CARMIL1: variants seen among roughly 807,000 people sequenced by gnomAD.
CARMIL1 encodes the protein F-actin-uncapping protein LRRC16A.
CARMIL1 carries 90 observed loss-of-function variants against 177.1 expected under a neutral mutation model. The observed-to-expected ratio is 0.51, with a 90% CI of 0.43 to 0.61. The LOEUF is 0.61. Among genes scored for constraint, CARMIL1 ranks in the 20% least tolerant of loss-of-function variants. CARMIL1 has a pLI of 0.00. For missense variants in CARMIL1, 1,380 were observed against 1,667.0 expected, an observed-to-expected ratio of 0.83 and a Z score of 3.00; for synonymous variants, 577 against 606.2, an observed-to-expected ratio of 0.95 and a Z score of 0.71.
intron 2 of CARMIL1, among the ~76,000 whole-genome samples, chr6:25,359,726 G>T (rs78781410): frequency 0.013 from 2,028 of 152,304 alleles, 35 homozygotes; most frequent in African/African-American, 0.044. Context: ...GATGTGCACA[G>T]TGGGCGGAAC....
At chr6:25,585,485 G>A (rs1166410784) in intron 31 of CARMIL1, among the ~76,000 whole-genome samples, 1 of 152,124 alleles carries the variant, frequency 6.6e-6, no homozygotes, top group African/African-American at 2.4e-5. Context: ...CGATTTTTGT[G>A]CCAAAAATGT....
chr6:25,613,898 C>T (rs1816689634), intron 36 of CARMIL1, among the ~76,000 whole-genome samples: 1 of 152,214 alleles, frequency 6.6e-6, no homozygotes, highest in Non-Finnish European at 1.5e-5. Flanking sequence ...ACACCATGCC[C>T]TTCACTGCCT....
At chr6:25,407,544 A>G (rs1794486191) in intron 2 of CARMIL1, among the ~76,000 whole-genome samples, 1 of 152,068 alleles carries the variant, frequency 6.6e-6, no homozygotes, top group Admixed American at 6.5e-5. Context: ...AGTAGGAGGG[A>G]AAGTCATCTT....
intron 28 of CARMIL1, among the ~76,000 whole-genome samples, chr6:25,555,381 GTATT>G (rs1562281136): frequency 1.9e-5 from 2 of 106,222 alleles, no homozygotes. Context: ...AAGCAATAGA[GTATT>G]CATTCATTCA....
chr6:25,340,777 GTTTTTTTTT>G (rs34928775), intron 2 of CARMIL1, among the ~76,000 whole-genome samples: 16,033 of 86,566 alleles, frequency 0.19, 1,407 homozygotes, highest in Admixed American at 0.25. Flanking sequence ...GTCAATGAAG[GTTTTTTTTT>G]TTTTTTTTTT....
At chr6:25,568,746 G>T (rs1811791238) in intron 29 of CARMIL1, among the ~76,000 whole-genome samples, 1 of 152,244 alleles carries the variant, frequency 6.6e-6, no homozygotes, top group East Asian at 1.9e-4. Flanking sequence ...CCTTAGTAAT[G>T]CTTCTAGTTG....
chr6:25,549,515 A>G (rs1424593848), intron 26 of CARMIL1, among the ~76,000 whole-genome samples: 2 of 152,216 alleles, frequency 1.3e-5, no homozygotes, highest in African/African-American at 2.4e-5. Flanking sequence ...TGATTATTCA[A>G]CCAGAGTTAT....
intron 29 of CARMIL1, among the ~76,000 whole-genome samples, chr6:25,576,323 CTAAGGTA>C (rs1392219398): frequency 1.3e-5 from 2 of 151,058 alleles, no homozygotes; most frequent in Non-Finnish European, 2.9e-5. Flanking sequence ...TAAATTCCCA[CTAAGGTA>C]TAAGGTATCA....
At chr6:25,351,610 A>G (rs140187985) in intron 2 of CARMIL1, among the ~76,000 whole-genome samples, 1 of 152,308 alleles carries the variant, frequency 6.6e-6, no homozygotes, top group Non-Finnish European at 1.5e-5. Flanking sequence ...TTGCCTTTTC[A>G]CTTCCTTCAT....
At chr6:25,371,532 A>G (rs901874003) in intron 2 of CARMIL1, among the ~76,000 whole-genome samples, 5 of 152,098 alleles carry the variant, frequency 3.3e-5, no homozygotes, top group Admixed American at 1.3e-4. Flanking sequence ...ATTGTTTTGT[A>G]TATTTGTTGG....
At chr6:25,318,579 G>C (rs1784444972) in intron 2 of CARMIL1, among the ~76,000 whole-genome samples, 2 of 152,256 alleles carry the variant, frequency 1.3e-5, no homozygotes, top group African/African-American at 4.8e-5. Flanking sequence ...CCTTTTCTCT[G>C]CCTCGTACCT....
intron 2 of CARMIL1, among the ~76,000 whole-genome samples, chr6:25,310,051 A>G (rs1783659126): frequency 6.6e-6 from 1 of 152,080 alleles, no homozygotes; most frequent in Non-Finnish European, 1.5e-5. Context: ...TACAGGAGTG[A>G]GCCACCCCGC....
Position 25,600,751 on chromosome 6 carries a change from G to A in CARMIL1, c.3552+5G>A. On this transcript the variant is annotated splice_donor_5th_base_variant and intron_variant, in intron 33 of 36. Coordinates refer to ENST00000329474, the MANE Select transcript of CARMIL1 (RefSeq NM_017640.6). Reference sequence around the variant, plus strand: ...AGAGCTGCGTGTGCGCAGAAGGTAAGGGTGGACCTATTTTTAATTCATTCA... The same window carrying A: ...AGAGCTGCGTGTGCGCAGAAGGTAAAGGTGGACCTATTTTTAATTCATTCA... 6.7e-7 allele frequency: 1 copy of A among 1,486,126 alleles called. No individual in the cohort carries two copies. The highest frequency in any genetic ancestry group is 8.9e-7 in the Non-Finnish European group (1 of 1,119,104). The allele number at this position is 1,486,126 out of a possible 1,614,324, so 92.1% of individuals were successfully genotyped here. A position where few individuals can be genotyped will look rare whatever the true frequency, so the allele number is the denominator to read the frequency against.
intron 5 of CARMIL1, among the ~76,000 whole-genome samples, chr6:25,444,095 G>T (rs573467885): frequency 1.3e-5 from 2 of 152,194 alleles, no homozygotes; most frequent in African/African-American, 4.8e-5. Flanking sequence ...GAGCCACTGC[G>T]CCTGGACTTA....
chr6:25,428,148 A>G (rs1796432145), intron 4 of CARMIL1, among the ~76,000 whole-genome samples: 1 of 152,216 alleles, frequency 6.6e-6, no homozygotes. Context: ...GCTTTAGGTT[A>G]CACATGTAGG....
chr6:25,456,179 T>G lies in CARMIL1; in HGVS notation c.614+5468T>G, dbSNP rs554893558. Reference sequence around the variant, plus strand: ...ATCAGTTATCCAGCCTGCTGTTCTCTTTTCATTGTGGACTTGGCTTCCTAT... The same window carrying G: ...ATCAGTTATCCAGCCTGCTGTTCTCGTTTCATTGTGGACTTGGCTTCCTAT... On this transcript the variant is annotated intron_variant, in intron 8 of 36. Coordinates refer to ENST00000329474, the MANE Select transcript of CARMIL1 (RefSeq NM_017640.6). 3.9e-5 allele frequency among the ~76,000 whole-genome samples: 6 copies of G among 152,360 alleles called. 1 individual carries two copies. The highest frequency in any genetic ancestry group is 4.1e-4 in the South Asian group (2 of 4,830).
chr6:25,473,008 C>T (rs573776865), intron 11 of CARMIL1, among the ~76,000 whole-genome samples: 39 of 152,188 alleles, frequency 2.6e-4, no homozygotes, highest in African/African-American at 8.7e-4. Context: ...GCTATAAGCT[C>T]GATGTCCCCA....
chr6:25,480,781 C>T (rs1163000072), intron 11 of CARMIL1, among the ~76,000 whole-genome samples: 4 of 131,790 alleles, frequency 3.0e-5, no homozygotes, highest in African/African-American at 8.7e-5. Flanking sequence ...CCCAGGCTGG[C>T]GCGATCTCGG....
At chr6:25,312,178 C>A (rs1783873398) in intron 2 of CARMIL1, among the ~76,000 whole-genome samples, 1 of 152,090 alleles carries the variant, frequency 6.6e-6, no homozygotes, top group Non-Finnish European at 1.5e-5. Flanking sequence ...CCTCTCACCC[C>A]CTCCCATCTG....
Sources: allele counts gnomAD v4.1 joint callset (sites outside exome capture counted in the v4.1 genomes callset), GRCh38; gene constraint gnomAD v4.1.1; transcripts MANE v1.5; gene names NCBI Gene and HGNC (gene_info 2026-07-23, HGNC 2026-07-21).